Variants in LRRIQ1 observed in about 807,000 individuals in gnomAD.
LRRIQ1 encodes leucine rich repeats and IQ motif containing 1.
Under a neutral mutation model 211.9 loss-of-function variants are expected in LRRIQ1, and 210 were observed. That is an observed-to-expected ratio of 0.99 (90% CI 0.89 to 1.11). LRRIQ1 has a LOEUF of 1.11. Among genes scored for constraint, LRRIQ1 ranks in the 50% most tolerant of loss-of-function variants. The pLI is 0.00. For synonymous variants in LRRIQ1, 699 were observed against 650.1 expected (o/e 1.08, Z -1.14); for missense variants, 2,136 against 1,939.5 (o/e 1.10, Z -1.90).
At chr12:85,209,477 A>C (rs1893731745) in intron 24 of LRRIQ1, among the ~76,000 whole-genome samples, 1 of 152,204 alleles carries the variant, frequency 6.6e-6, no homozygotes, top group Non-Finnish European at 1.5e-5. Flanking sequence ...TGGGAACTAC[A>C]ATTCAAGATA....
chr12:85,162,779 T>C (rs963705385), intron 24 of LRRIQ1: 12 of 456,094 alleles, frequency 2.6e-5, no homozygotes, highest in Non-Finnish European at 5.3e-5. Context: ...TTGTTTCGTT[T>C]GCTTTCTTTT....
chr12:85,184,466 T>A (rs1892136554), intron 24 of LRRIQ1, among the ~76,000 whole-genome samples: 1 of 152,064 alleles, frequency 6.6e-6, no homozygotes, highest in African/African-American at 2.4e-5. Context: ...GATGTGTATG[T>A]GTATTTGTCT....
intron 24 of LRRIQ1, among the ~76,000 whole-genome samples, chr12:85,197,146 T>C (rs1343659639): frequency 6.6e-6 from 1 of 152,146 alleles, no homozygotes; most frequent in Non-Finnish European, 1.5e-5. Flanking sequence ...TCACACCAGT[T>C]TGAATGGCAA....
intron 1 of LRRIQ1, among the ~76,000 whole-genome samples, chr12:85,251,609 G>T (rs972659389): frequency 1.3e-5 from 2 of 151,798 alleles, no homozygotes; most frequent in African/African-American, 4.8e-5. Flanking sequence ...CTGGCATAGT[G>T]GAAAGAAATT....
intron 1 of LRRIQ1, among the ~76,000 whole-genome samples, chr12:85,253,770 A>G (rs1487650950): frequency 6.6e-6 from 1 of 152,066 alleles, no homozygotes; most frequent in African/African-American, 2.4e-5. Context: ...TATGACTACA[A>G]GTATAAATTA....
intron 15 of LRRIQ1, among the ~76,000 whole-genome samples, chr12:85,117,036 T>G (rs1417918582): frequency 6.6e-6 from 1 of 152,208 alleles, no homozygotes; most frequent in East Asian, 1.9e-4. Flanking sequence ...GTGGAAAGAC[T>G]GCATTTTTCA....
At chr12:85,266,111 A>T (rs979473705), downstream of LRRIQ1, among the ~76,000 whole-genome samples, 12 of 152,130 alleles carry the variant, frequency 7.9e-5, no homozygotes, top group African/African-American at 2.4e-4. Flanking sequence ...TTAATCAAAG[A>T]CCATCTTACA....
intron 11 of LRRIQ1, among the ~76,000 whole-genome samples, chr12:85,084,851 A>G (rs911818667): frequency 1.3e-5 from 2 of 151,912 alleles, no homozygotes; most frequent in Non-Finnish European, 2.9e-5. Flanking sequence ...ACTTGAACCC[A>G]GAAGGCAGAG....
intron 13 of LRRIQ1, among the ~76,000 whole-genome samples, chr12:85,100,749 G>A (rs1421455123): frequency 6.6e-6 from 1 of 151,690 alleles, no homozygotes; most frequent in South Asian, 2.1e-4. Context: ...AGGCCCAAGA[G>A]CACCAGGGAA....
In LRRIQ1 at chr12:85,098,553, T is replaced by A. The variant is rs763671046; in HGVS notation, c.3081+5T>A. On this transcript the variant is annotated splice_donor_5th_base_variant and intron_variant, in intron 12 of 26. Transcript: ENST00000393217. ...CAGGGAAATTATCTGAGTGAGGTAATTGCTTTGAATTAATTGATTTCTGTG... is the reference window on the plus strand; with the variant it reads ...CAGGGAAATTATCTGAGTGAGGTAAATGCTTTGAATTAATTGATTTCTGTG... The A allele has an allele frequency of 2.5e-6, 4 of 1,591,968 alleles. No homozygotes were observed. In the South Asian group the frequency reaches 4.6e-5, roughly 18 times the overall value.
Position 85,056,148 on chromosome 12 carries a change from A to T in LRRIQ1, c.1355A>T (p.Asp452Val). 6.3e-7 allele frequency: 1 copy of T among 1,599,392 alleles called. No homozygotes were observed. The change falls in exon 8 of 27, where the codon GAT becomes GTT. Residue 452 changes from aspartate to valine, a missense_variant. Transcript: ENST00000393217. The stretch of plus-strand genomic sequence containing the variant: ...GAATCAAATATGAAAGAAAATGTAG[A>T]TAGACAGACTATATTAAAAGAATCA... ...VEESNMKENVDRQTILKESIQ... is the reference protein window; with the variant it reads ...VEESNMKENVVRQTILKESIQ...
At chr12:85,066,921 A>G in intron 10 of LRRIQ1, 23 bp downstream of exon 10, 1 of 1,264,266 alleles carries the variant, frequency 7.9e-7, no homozygotes, top group South Asian at 1.6e-5. Flanking sequence ...AAATTTTAAT[A>G]TTTAAAGATA....
rs1399338572 is a variant in LRRIQ1, at chr12:85,154,053, G to A, written c.4679G>A (p.Arg1560Lys). 8 of 1,569,070 alleles carry A rather than the reference G, an allele frequency of 5.1e-6. No homozygotes were observed. The highest frequency in any genetic ancestry group is 6.1e-6 in the Non-Finnish European group (7 of 1,157,008). ...TCTACTGCTCAGCAAATGTTGAAGA[G>A]GGCACAGAAAATGAAATCGAAGAAA... ...DISTAQQMLK[R>K]AQKMKSKKLK... Residue 1560 changes from arginine to lysine, a missense_variant, in exon 23 of 27, where the codon AGG becomes AAG. By Grantham distance (26) the Arg-to-Lys change is conservative. Coordinates refer to ENST00000393217, the MANE Select transcript of LRRIQ1 (RefSeq NM_001079910.2).
chr12:85,260,771 A>G (rs139038191), intron 1 of LRRIQ1, among the ~76,000 whole-genome samples: 1 of 152,192 alleles, frequency 6.6e-6, no homozygotes, highest in African/African-American at 2.4e-5. Context: ...AAAATGGACC[A>G]AAGTAGACAT....
intron 7 of LRRIQ1, among the ~76,000 whole-genome samples, chr12:85,052,630 TTTTA>T (rs1167914048): frequency 6.6e-6 from 1 of 152,124 alleles, no homozygotes; most frequent in Admixed American, 6.5e-5. Context: ...ATGTTTTAGT[TTTTA>T]TTTACTCTAG....
chr12:85,153,759 G>A lies in LRRIQ1; in HGVS notation c.4637+1G>A, dbSNP rs1383008894. 9 of 1,513,240 alleles carry A rather than the reference G, an allele frequency of 5.9e-6. No homozygotes were observed. The highest frequency in any genetic ancestry group is 1.2e-5 in the South Asian group (1 of 80,646). 93.7% of individuals were successfully genotyped at this position (1,513,240 alleles called of 1,614,324 possible). The stretch of plus-strand genomic sequence containing the variant: ...AAGAAAAAAAAATTTCAGAAGAATG[G>A]TATGTAGTCAATTTGACACTAATAA... On this transcript the variant is annotated splice_donor_variant, in intron 22 of 26. Transcript: ENST00000393217. LOFTEE classifies it high-confidence loss of function.
At chr12:85,063,714 T>C (rs996827626) in intron 8 of LRRIQ1, among the ~76,000 whole-genome samples, 7 of 151,710 alleles carry the variant, frequency 4.6e-5, no homozygotes, top group Non-Finnish European at 7.4e-5. Flanking sequence ...CAGCCTCTGG[T>C]AACCATCATT....
chr12:85,257,400 G>T (rs1359341006), intron 1 of LRRIQ1, among the ~76,000 whole-genome samples: 1 of 149,930 alleles, frequency 6.7e-6, no homozygotes, highest in African/African-American at 2.4e-5. Flanking sequence ...TGGAGTTTGG[G>T]AATAGACCTT....
At chr12:85,229,295 A>T (rs1033340129) in intron 24 of LRRIQ1, among the ~76,000 whole-genome samples, 5 of 152,150 alleles carry the variant, frequency 3.3e-5, no homozygotes, top group African/African-American at 1.2e-4. Context: ...GATTTTAAGT[A>T]TTTTTTTCAA....
Sources: gnomAD v4.1 joint callset for allele counts (sites outside exome capture counted in the v4.1 genomes callset) on GRCh38, gnomAD v4.1.1 for gene constraint, MANE v1.5 for transcripts, NCBI Gene and HGNC (gene_info 2026-07-23, HGNC 2026-07-21) for gene names.